Variants in ENAH observed in about 807,000 individuals in gnomAD.
ENAH encodes the protein ENAH actin regulator.
ENAH carries 23 observed loss-of-function variants against 78.7 expected under a neutral mutation model. The observed-to-expected ratio is 0.29, with a 90% CI of 0.21 to 0.41. The LOEUF is 0.41. Among genes scored for constraint, ENAH ranks in the 10% least tolerant of loss-of-function variants. The pLI is 1.00. For synonymous variants in ENAH, 226 were observed against 241.0 expected (o/e 0.94, Z 0.58); for missense variants, 544 against 691.0 (o/e 0.79, Z 2.39).
intron 1 of ENAH, among the ~76,000 whole-genome samples, chr1:225,629,381 T>C (rs1446623508): frequency 1.3e-5 from 2 of 152,070 alleles, no homozygotes; most frequent in Non-Finnish European, 2.9e-5. Context: ...AGGTCAGGAA[T>C]TCGTGACCAG....
intron 1 of ENAH, among the ~76,000 whole-genome samples, chr1:225,572,414 T>C (rs775090736): frequency 2.0e-5 from 3 of 152,132 alleles, no homozygotes; most frequent in Non-Finnish European, 4.4e-5. Flanking sequence ...TTATTTAAAA[T>C]GATATTTCTG....
chr1:225,529,594 G>A (rs1372079313), intron 4 of ENAH, among the ~76,000 whole-genome samples: 2 of 151,840 alleles, frequency 1.3e-5, no homozygotes, highest in African/African-American at 4.8e-5. Context: ...TGAGTTTCAG[G>A]CTTTTTGTTC....
chr1:225,626,833 T>G (rs186936170), intron 1 of ENAH, among the ~76,000 whole-genome samples: 1 of 152,222 alleles, frequency 6.6e-6, no homozygotes, highest in Non-Finnish European at 1.5e-5. Flanking sequence ...ATAAATACAC[T>G]ACAAAGGCAC....
intron 3 of ENAH, among the ~76,000 whole-genome samples, chr1:225,550,113 A>G (rs186314823): frequency 6.6e-6 from 1 of 152,200 alleles, no homozygotes; most frequent in Admixed American, 6.5e-5. Flanking sequence ...TCCAAGCCAC[A>G]TCATGGCATA....
rs576418879 is a variant in ENAH, at chr1:225,584,939, C to A, written c.6-17525G>T. ...CATCTCTAAATACATAAAGCAAAAA[C>A]TGACAGAATTAAAGGGAAAAATCTC... is the stretch of plus-strand genomic sequence containing the variant. On this transcript the variant is annotated intron_variant, in intron 1 of 13. Transcript: ENST00000366843. Among the ~76,000 whole-genome samples, 36 of 152,034 alleles carry A rather than the reference C, an allele frequency of 2.4e-4. No homozygotes were observed. In the South Asian group the frequency reaches 6.9e-3, roughly 29 times the overall value.
At position 225,491,072 on chromosome 1, in the gene ENAH, C is replaced by T. The variant is rs2096219826; in HGVS notation, c.*6703G>A. The stretch of plus-strand genomic sequence containing the variant: ...CCAGTGCCTCGGTCAGCAGAACCAA[C>T]CAAGTGACACCTGAGATCAACTGGT... On this transcript the variant is annotated 3_prime_UTR_variant, in exon 14 of 14. Transcript: ENST00000366843. The T allele has an allele frequency of 1.3e-5, 2 of 152,178 alleles. No homozygotes were observed. Among genetic ancestry groups the T allele is most frequent in the African/African-American group, 4.8e-5 (2 of 41,448 alleles). The allele number at this position is 152,178 out of a possible 1,614,324, so 9.4% of individuals were successfully genotyped here.
intron 1 of ENAH, among the ~76,000 whole-genome samples, chr1:225,585,534 T>TA (rs1299383032): frequency 6.6e-6 from 1 of 152,142 alleles, no homozygotes; most frequent in East Asian, 1.9e-4. Flanking sequence ...ATGCCTATAA[T>TA]CCCAGCACTT....
intron 3 of ENAH, among the ~76,000 whole-genome samples, chr1:225,547,225 C>T (rs2096619229): frequency 6.6e-6 from 1 of 152,072 alleles, no homozygotes; most frequent in African/African-American, 2.4e-5. Context: ...GTGCGCACCA[C>T]CATGCCCAGC....
chr1:225,574,916 A>C (rs1575582681), intron 1 of ENAH, among the ~76,000 whole-genome samples: 1 of 1,612 alleles, frequency 6.2e-4, no homozygotes, highest in Non-Finnish European at 1.1e-3. Context: ...AAAAAAAAAA[A>C]AAAATATATA....
At chr1:225,585,617 G>T (rs2096842370) in intron 1 of ENAH, among the ~76,000 whole-genome samples, 1 of 151,946 alleles carries the variant, frequency 6.6e-6, no homozygotes. Context: ...GAGAAATCCT[G>T]TCTCTACTAA....
chr1:225,601,747 A>G (rs1303630997), intron 1 of ENAH, among the ~76,000 whole-genome samples: 1 of 152,032 alleles, frequency 6.6e-6, no homozygotes, highest in African/African-American at 2.4e-5. Context: ...TCAGGAATCA[A>G]TAATTTTTAT....
chr1:225,517,588 G>C (rs1485991195), intron 5 of ENAH: 2 of 1,551,238 alleles, frequency 1.3e-6, no homozygotes, highest in Admixed American at 2.0e-5. Flanking sequence ...AGCTTTGCCT[G>C]GGGGGCTGCT....
chr1:225,552,605 GA>G (rs1277373651), intron 3 of ENAH, among the ~76,000 whole-genome samples: 3 of 152,004 alleles, frequency 2.0e-5, no homozygotes, highest in Non-Finnish European at 2.9e-5. Flanking sequence ...TTTCCATGAT[GA>G]AAAACTACAG....
At chr1:225,566,015 A>G (rs2096733221) in intron 2 of ENAH, among the ~76,000 whole-genome samples, 1 of 152,154 alleles carries the variant, frequency 6.6e-6, no homozygotes, top group South Asian at 2.1e-4. Context: ...GTGAAAGTTC[A>G]TCTCCACGCA....
chr1:225,640,153 A>G (rs1260437098), intron 1 of ENAH, among the ~76,000 whole-genome samples: 1 of 152,230 alleles, frequency 6.6e-6, no homozygotes, highest in Non-Finnish European at 1.5e-5. Context: ...TCATACTGCA[A>G]AAGTCCATCA....
At chr1:225,639,745 A>ACAC (rs1558949307) in intron 1 of ENAH, among the ~76,000 whole-genome samples, 90 of 101,210 alleles carry the variant, frequency 8.9e-4, no homozygotes, top group African/African-American at 5.4e-3. Flanking sequence ...CACACACACA[A>ACAC]GAAGGATGGT....
intron 2 of ENAH, among the ~76,000 whole-genome samples, chr1:225,566,257 G>GTGTTTTTT (rs1361328572): frequency 2.7e-5 from 4 of 148,284 alleles, no homozygotes; most frequent in Non-Finnish European, 6.0e-5. Flanking sequence ...GTTTTTTTGT[G>GTGTTTTTT]TGTTTTTTTG....
At chr1:225,644,506 C>G (rs533231793) in intron 1 of ENAH, among the ~76,000 whole-genome samples, 12 of 152,118 alleles carry the variant, frequency 7.9e-5, no homozygotes, top group Non-Finnish European at 1.6e-4. Context: ...ATTCAAATAA[C>G]CAGTATATAA....
chr1:225,530,480 C>T, intron 4 of ENAH, 74 bp downstream of exon 4: 3 of 1,245,818 alleles, frequency 2.4e-6, no homozygotes, highest in Non-Finnish European at 2.4e-6. Flanking sequence ...ACATAATCTA[C>T]TTTAAACACA....
Sources: allele counts gnomAD v4.1 joint callset (sites outside exome capture counted in the v4.1 genomes callset), GRCh38; gene constraint gnomAD v4.1.1; transcripts MANE v1.5; gene names NCBI Gene and HGNC (gene_info 2026-07-23, HGNC 2026-07-21).